WDR37: variants seen among roughly 807,000 people sequenced by gnomAD.
WDR37 encodes the protein WD repeat domain 37, also known as WD repeat-containing protein 37.
Under a neutral mutation model 62.9 loss-of-function variants are expected in WDR37, and 19 were observed. The ratio of observed to expected loss-of-function variants is 0.30; its 90% CI spans 0.21 to 0.44. The LOEUF is 0.44. WDR37 is among the 20% of genes least tolerant of loss of function. The pLI is 1.00. For missense variants in WDR37, 474 were observed against 657.6 expected (o/e 0.72, Z 3.05); for synonymous variants, 250 against 260.9 (o/e 0.96, Z 0.40).
At chr10:1,127,834 G>T (rs540809002) in intron 13 of WDR37, among the ~76,000 whole-genome samples, 10 of 152,268 alleles carry the variant, frequency 6.6e-5, no homozygotes, top group South Asian at 4.1e-4. Context: ...CGTCTTCCGG[G>T]TGCATCTGCT....
chr10:1,124,101 C>T (rs1835667701), intron 11 of WDR37, 117 bp from the exon 12 acceptor site: 2 of 1,393,410 alleles, frequency 1.4e-6, no homozygotes, highest in South Asian at 1.3e-5. Flanking sequence ...GAGGAGAGAG[C>T]TGTGAGTTTG....
At chr10:1,062,588 C>T (rs1191205892) in intron 1 of WDR37, among the ~76,000 whole-genome samples, 1 of 152,002 alleles carries the variant, frequency 6.6e-6, no homozygotes, top group Admixed American at 6.5e-5. Flanking sequence ...TTCTTTTTTT[C>T]CTTTACAAAA....
chr10:1,109,373 C>G (rs1213388043), intron 11 of WDR37, among the ~76,000 whole-genome samples: 1 of 152,222 alleles, frequency 6.6e-6, no homozygotes, highest in Non-Finnish European at 1.5e-5. Flanking sequence ...AAGGCTGTTG[C>G]AACCGTGTGG....
intron 10 of WDR37, among the ~76,000 whole-genome samples, chr10:1,104,058 A>G (rs1362867405): frequency 1.3e-5 from 2 of 152,198 alleles, no homozygotes; most frequent in Admixed American, 6.5e-5. Flanking sequence ...TAGTATCTAG[A>G]TATTGGACAT....
chr10:1,112,024 C>T (rs1351361496), intron 11 of WDR37, among the ~76,000 whole-genome samples: 1 of 152,122 alleles, frequency 6.6e-6, no homozygotes, highest in Non-Finnish European at 1.5e-5. Context: ...GCCTCAGCCT[C>T]CCAAGTAGCT....
At chr10:1,116,820 G>A (rs998387115) in intron 11 of WDR37, among the ~76,000 whole-genome samples, 2 of 151,964 alleles carry the variant, frequency 1.3e-5, no homozygotes, top group African/African-American at 4.8e-5. Context: ...GTTTTGTCTT[G>A]TGACCACAGA....
intron 8 of WDR37, among the ~76,000 whole-genome samples, chr10:1,094,506 C>G (rs1834502391): frequency 1.3e-5 from 2 of 152,218 alleles, no homozygotes; most frequent in African/African-American, 4.8e-5. Flanking sequence ...GCCTGAGAGT[C>G]ATTTTGAGCA....
intron 9 of WDR37, among the ~76,000 whole-genome samples, chr10:1,100,605 CCA>C (rs1564506796): frequency 6.6e-6 from 1 of 152,198 alleles, no homozygotes; most frequent in South Asian, 2.1e-4. Flanking sequence ...TGCTTGACAT[CCA>C]CAGTGTTGAT....
At chr10:1,092,872 CAAAAA>C (rs56220560) in intron 7 of WDR37, among the ~76,000 whole-genome samples, 219 of 41,962 alleles carry the variant, frequency 5.2e-3, no homozygotes, top group African/African-American at 0.016. Context: ...CCCTATCTCA[CAAAAA>C]AAAAAAAAAA....
chr10:1,098,852 CCTT>C (rs1480757177), intron 9 of WDR37, among the ~76,000 whole-genome samples: 1 of 152,172 alleles, frequency 6.6e-6, no homozygotes, highest in Non-Finnish European at 1.5e-5. Flanking sequence ...GAAAGATGCT[CCTT>C]CACCTCTGTA....
At position 1,127,760 on chromosome 10, in the gene WDR37, G is replaced by A. The variant is rs74449061; in HGVS notation, c.1354-1453G>A. On this transcript the variant is annotated intron_variant, in intron 13 of 13. Coordinates refer to ENST00000263150, the MANE Select transcript of WDR37 (RefSeq NM_014023.4). ...GAGGGTCCCTGTGATGTGGAGGCCC[G>A]TGGGGCCCCGTGCTGAGCGTCCTGG... 6.1e-3 allele frequency among the ~76,000 whole-genome samples: 927 copies of A among 152,042 alleles called. 11 individuals carry two copies. Among genetic ancestry groups the A allele is most frequent in the African/African-American group, 0.021 (871 of 41,282 alleles).
intron 11 of WDR37, among the ~76,000 whole-genome samples, chr10:1,118,743 C>T (rs568053973): frequency 5.3e-5 from 8 of 152,192 alleles, no homozygotes; most frequent in South Asian, 2.1e-4. Context: ...AAGACTATTT[C>T]GTGTGTGTGT....
At chr10:1,109,469 G>A (rs1835142175) in intron 11 of WDR37, among the ~76,000 whole-genome samples, 1 of 152,228 alleles carries the variant, frequency 6.6e-6, no homozygotes, top group South Asian at 2.1e-4. Context: ...GCTCACGCCT[G>A]TAATCCCAGC....
At chr10:1,070,363 G>A (rs184192692) in intron 1 of WDR37, among the ~76,000 whole-genome samples, 72 of 152,142 alleles carry the variant, frequency 4.7e-4, no homozygotes, top group African/African-American at 1.3e-3. Context: ...GGTTATGCTT[G>A]GCTTTTAAAA....
chr10:1,121,068 C>T lies in WDR37; in HGVS notation c.1104-3150C>T, dbSNP rs542297546. Among the ~76,000 whole-genome samples the T allele has an allele frequency of 7.2e-3, 1,090 of 152,328 alleles. 20 individuals carry two copies. Among genetic ancestry groups the T allele is most frequent in the African/African-American group, 0.025 (1,042 of 41,572 alleles). ...GAGTTTGGCAGCGTCGGAACCATTT[C>T]CAGTGCACGGCCGTGCGCGCCAGCC... On this transcript the variant is annotated intron_variant, in intron 11 of 13. Coordinates refer to ENST00000263150, the MANE Select transcript of WDR37 (RefSeq NM_014023.4). The surrounding 1 kb of genome is among the most constrained non-coding windows in gnomAD (Gnocchi z 4.5).
intron 2 of WDR37, among the ~76,000 whole-genome samples, chr10:1,077,245 C>G (rs993874521): frequency 1.3e-5 from 2 of 152,170 alleles, no homozygotes; most frequent in Non-Finnish European, 2.9e-5. Context: ...CTGGACCACA[C>G]TTGACAATGT....
intron 9 of WDR37, among the ~76,000 whole-genome samples, chr10:1,102,186 G>A (rs533556491): frequency 2.2e-4 from 32 of 146,848 alleles, no homozygotes; most frequent in African/African-American, 8.0e-4. Flanking sequence ...TCGTGCGGCT[G>A]TGTGTCCATG....
chr10:1,076,027 A>G (rs1452927864), intron 2 of WDR37, among the ~76,000 whole-genome samples: 1 of 152,100 alleles, frequency 6.6e-6, no homozygotes, highest in Non-Finnish European at 1.5e-5. Flanking sequence ...TGATCTGCCC[A>G]CCTTGGCCTC....
chr10:1,100,637 G>A (rs1261748524), intron 9 of WDR37, among the ~76,000 whole-genome samples: 9 of 152,334 alleles, frequency 5.9e-5, no homozygotes, highest in Admixed American at 1.3e-4. Context: ...TTTGGGTGGC[G>A]TAGTGGAAAC....
Sources: gnomAD v4.1 joint callset for allele counts (sites outside exome capture counted in the v4.1 genomes callset) on GRCh38, gnomAD v4.1.1 for gene constraint, Gnocchi (gnomAD v3.1) non-coding constraint, MANE v1.5 for transcripts, NCBI Gene and HGNC (gene_info 2026-07-23, HGNC 2026-07-21) for gene names.